Variants in NFATC2 observed in about 807,000 individuals in gnomAD.
NFATC2 encodes nuclear factor of activated T-cells, cytoplasmic 2.
In NFATC2, 22 loss-of-function variants were observed where a neutral mutation model predicts 87.3. The ratio of observed to expected loss-of-function variants is 0.25; its 90% CI spans 0.18 to 0.36. The LOEUF is 0.36. Among genes scored for constraint, NFATC2 ranks in the 10% least tolerant of loss-of-function variants. The pLI, the probability that NFATC2 is intolerant of heterozygous loss-of-function variation, is 1.00. For synonymous variants in NFATC2, 565 were observed against 542.2 expected (o/e 1.04, Z -0.58); for missense variants, 1,149 against 1,259.1 (o/e 0.91, Z 1.32).
At chr20:51,464,632 C>T (rs1306889384) in intron 5 of NFATC2, among the ~76,000 whole-genome samples, 2 of 145,816 alleles carry the variant, frequency 1.4e-5, no homozygotes, top group African/African-American at 2.6e-5. Flanking sequence ...TTTACCACTA[C>T]AGGATCTTGA....
At chr20:51,451,016 C>T (rs1160544233) in intron 6 of NFATC2, among the ~76,000 whole-genome samples, 2 of 152,342 alleles carry the variant, frequency 1.3e-5, no homozygotes, top group East Asian at 1.9e-4. Context: ...CTCCTAACTC[C>T]GTAAGGAACT....
intron 1 of NFATC2, among the ~76,000 whole-genome samples, chr20:51,559,228 T>G (rs2077002199): frequency 6.6e-6 from 1 of 152,258 alleles, no homozygotes; most frequent in African/African-American, 2.4e-5. Context: ...CCTTATGCTT[T>G]CATTTCCCTG....
intron 1 of NFATC2, among the ~76,000 whole-genome samples, chr20:51,550,203 G>A (rs369066268): frequency 2.6e-5 from 4 of 152,202 alleles, no homozygotes; most frequent in African/African-American, 7.2e-5. Context: ...TACATTAGCC[G>A]GGCTCCCATT....
rs184463754 is a variant in NFATC2 at position 51,512,415 on chromosome 20, C to T, written c.1332+4369G>A. ...CCACTTTCCCGCAGCCCCTGAGCTC[C>T]CTCAGGGCATGAGCTGTGCTGATCT... is the stretch of plus-strand genomic sequence containing the variant. On this transcript the variant is annotated intron_variant, in intron 3 of 10. Coordinates refer to ENST00000371564, the MANE Select transcript of NFATC2 (RefSeq NM_012340.5). Among the ~76,000 whole-genome samples, 360 of 152,294 alleles carry T rather than the reference C, an allele frequency of 2.4e-3. 1 individual carries two copies. Among genetic ancestry groups the T allele is most frequent in the Non-Finnish European group, 3.7e-3 (254 of 68,036 alleles).
chr20:51,394,217 G>A (rs1986720861), intron 10 of NFATC2, among the ~76,000 whole-genome samples: 1 of 152,096 alleles, frequency 6.6e-6, no homozygotes, highest in African/African-American at 2.4e-5. Flanking sequence ...CGGCTAGGTG[G>A]TGGTGACAGA....
intron 5 of NFATC2, among the ~76,000 whole-genome samples, chr20:51,472,512 T>G (rs1392673475): frequency 1.3e-5 from 2 of 151,878 alleles, no homozygotes; most frequent in African/African-American, 4.8e-5. Context: ...GAACCATAAT[T>G]TAATATGGAA....
At position 51,523,449 on chromosome 20, in the gene NFATC2, C is replaced by T. The variant is rs772973119; in HGVS notation, c.792G>A (p.Pro264=). 1.4e-5 allele frequency: 23 copies of T among 1,609,060 alleles called. No homozygotes were observed. Among genetic ancestry groups the T allele is most frequent in the Middle Eastern group, 1.7e-4 (1 of 5,858 alleles). Residue 264 remains proline (P), a synonymous_variant, in exon 2 of 11, where the codon CCG becomes CCA. Transcript: ENST00000371564. The surrounding 1 kb of genome is among the most constrained non-coding windows in gnomAD (Gnocchi z 6.9). ...HSCAEALVAL[P]PGASPQRSRS... The stretch of plus-strand genomic sequence containing the variant: ...GGGAGCGCTGGGGTGAGGCTCCGGG[C>T]GGCAGGGCAACCAAGGCCTCGGCGC...
chr20:51,531,982 C>T (rs907197270), intron 1 of NFATC2, among the ~76,000 whole-genome samples: 2 of 152,136 alleles, frequency 1.3e-5, no homozygotes, highest in African/African-American at 4.8e-5. Flanking sequence ...GGAGGTAAAA[C>T]GTGCTTCCAA....
rs1368435380 is a variant in NFATC2, at chr20:51,395,746, TTATATA to T, written c.*44+2891_*44+2896del. Among the ~76,000 whole-genome samples, 26 of 150,584 alleles carry T rather than the reference TTATATA, an allele frequency of 1.7e-4. No homozygotes were observed. In the East Asian group the frequency reaches 4.6e-3, roughly 27 times the overall value. Reference sequence around the variant, plus strand: ...TTTTCAGTATATATGACAAAGTCATTTATATATAAAGAGGTGTTTCAACTCAGTAAG... The same window carrying T: ...TTTTCAGTATATATGACAAAGTCATTTAAAGAGGTGTTTCAACTCAGTAAG... On this transcript the variant is annotated intron_variant, in intron 10 of 10. Transcript: ENST00000371564.
chr20:51,522,769 G>A (rs528538932), intron 2 of NFATC2, among the ~76,000 whole-genome samples: 1 of 152,084 alleles, frequency 6.6e-6, no homozygotes, highest in Non-Finnish European at 1.5e-5. Context: ...AACAGAATCT[G>A]CCACCTAGAT....
At chr20:51,400,383 G>GTTCTTCAGACCATCCACC (rs1987882033) in intron 9 of NFATC2, among the ~76,000 whole-genome samples, 1 of 147,740 alleles carries the variant, frequency 6.8e-6, no homozygotes, top group African/African-American at 2.5e-5. Flanking sequence ...CAGGGACCAG[G>GTTCTTCAGACCATCCACC]TTCTTCAGAC....
chr20:51,402,181 C>A (rs1318643176), intron 9 of NFATC2, among the ~76,000 whole-genome samples: 1 of 152,176 alleles, frequency 6.6e-6, no homozygotes, highest in East Asian at 1.9e-4. Flanking sequence ...TGGTGACTTT[C>A]TCAACTAAGC....
At chr20:51,540,667 T>TTTTTTTTTTTTTTG (rs1555818370) in intron 1 of NFATC2, among the ~76,000 whole-genome samples, 4 of 147,230 alleles carry the variant, frequency 2.7e-5, no homozygotes, top group Non-Finnish European at 4.5e-5. Flanking sequence ...TGTTTTTTTT[T>TTTTTTTTTTTTTTG]TTTTGAGAAA....
At position 51,524,709 on chromosome 20, in the gene NFATC2, C is replaced by T. The variant is rs112575371; in HGVS notation, c.131-599G>A. 2.6e-4 allele frequency among the ~76,000 whole-genome samples: 39 copies of T among 152,316 alleles called. No homozygotes were observed. The highest frequency in any genetic ancestry group is 8.7e-4 in the African/African-American group (36 of 41,580). On this transcript the variant is annotated intron_variant, in intron 1 of 10. Coordinates refer to ENST00000371564, the MANE Select transcript of NFATC2 (RefSeq NM_012340.5). The surrounding 1 kb of genome is among the most constrained non-coding windows in gnomAD (Gnocchi z 4.0). ...CCCTGGGCTTCAATCCCAGATTTCA[C>T]ACCAAGTACAAGAAGTGGCTTCATT...
intron 10 of NFATC2, 38 bp from the exon 11 acceptor site, chr20:51,391,489 G>A (rs764383472): frequency 1.0e-5 from 16 of 1,598,620 alleles, no homozygotes; most frequent in Admixed American, 6.7e-5. Flanking sequence ...AGAGAGAATG[G>A]GGCAAGTGAG....
chr20:51,411,419 CACACACACAT>C (rs1167473850), intron 9 of NFATC2, among the ~76,000 whole-genome samples: 5 of 151,798 alleles, frequency 3.3e-5, no homozygotes, highest in East Asian at 1.9e-4. Context: ...TTTATCCATG[CACACACACAT>C]ACACACACCC....
At chr20:51,536,846 T>C (rs766740790) in intron 1 of NFATC2, among the ~76,000 whole-genome samples, 3 of 152,218 alleles carry the variant, frequency 2.0e-5, no homozygotes, top group Non-Finnish European at 4.4e-5. Context: ...ATGTCACATG[T>C]GTTTAGTGAA....
chr20:51,542,640 C>A lies in NFATC2; in HGVS notation c.-141G>T, dbSNP rs1200126920. The A allele has an allele frequency of 2.5e-6, 3 of 1,180,564 alleles. No individual in the cohort carries two copies. Among genetic ancestry groups the A allele is most frequent in the Non-Finnish European group, 3.1e-6 (3 of 953,612 alleles). The allele number at this position is 1,180,564 out of a possible 1,614,324, so 73.1% of individuals were successfully genotyped here. On this transcript the variant is annotated 5_prime_UTR_variant, in exon 1 of 11. Transcript: ENST00000371564. ...TAGGGACGCACGCCGGGTCCGGGGA[C>A]GGCGCGCCTGGCGCAGCGGGTCCTG...
chr20:51,551,831 T>G (rs979500534), intron 1 of NFATC2, among the ~76,000 whole-genome samples: 4 of 150,916 alleles, frequency 2.7e-5, no homozygotes, highest in Non-Finnish European at 5.9e-5. Context: ...ATCAAGACCA[T>G]CCTGGCTAAC....
Sources: gnomAD v4.1 joint callset for allele counts (sites outside exome capture counted in the v4.1 genomes callset) on GRCh38, gnomAD v4.1.1 for gene constraint, Gnocchi (gnomAD v3.1) non-coding constraint, MANE v1.5 for transcripts, NCBI Gene and HGNC (gene_info 2026-07-23, HGNC 2026-07-21) for gene names.